The following SCLT1 variants were observed in gnomAD, a reference collection of about 807,000 sequenced individuals.
SCLT1 encodes sodium channel-associated protein 1.
In SCLT1, 78 loss-of-function variants were observed where a neutral mutation model predicts 112.8. That is an observed-to-expected ratio of 0.69 (90% CI 0.58 to 0.83). SCLT1 has a LOEUF of 0.83. Among genes scored for constraint, SCLT1 ranks in the 40% least tolerant of loss-of-function variants. SCLT1 has a pLI of 0.00. For missense variants in SCLT1, 747 were observed against 770.4 expected, an observed-to-expected ratio of 0.97 and a Z score of 0.36; for synonymous variants, 257 against 254.7, an observed-to-expected ratio of 1.01 and a Z score of -0.09.
At chr4:128,989,058 T>C (rs943707984) in intron 9 of SCLT1, among the ~76,000 whole-genome samples, 4 of 151,902 alleles carry the variant, frequency 2.6e-5, no homozygotes, top group East Asian at 1.9e-4. Context: ...TCTTTCAGAA[T>C]TGGACAGATA....
At chr4:128,889,401 C>A (rs1733139744) in intron 19 of SCLT1, among the ~76,000 whole-genome samples, 1 of 152,142 alleles carries the variant, frequency 6.6e-6, no homozygotes, top group Admixed American at 6.6e-5. Flanking sequence ...GTTGAAGACA[C>A]AGAGAGAACA....
intron 18 of SCLT1, among the ~76,000 whole-genome samples, chr4:128,929,728 A>G (rs1736604109): frequency 6.6e-6 from 1 of 152,216 alleles, no homozygotes; most frequent in African/African-American, 2.4e-5. Context: ...GGGCAGTGCA[A>G]AGTATAATAG....
At chr4:129,028,063 G>C (rs1176149290) in intron 5 of SCLT1, among the ~76,000 whole-genome samples, 1 of 152,126 alleles carries the variant, frequency 6.6e-6, no homozygotes, top group Non-Finnish European at 1.5e-5. Flanking sequence ...CATGCTCATG[G>C]GCAGGAAGAA....
At chr4:129,073,608 C>T (rs1579935879) in intron 2 of SCLT1, among the ~76,000 whole-genome samples, 1 of 152,228 alleles carries the variant, frequency 6.6e-6, no homozygotes. Context: ...TAATGCCTGC[C>T]TTATTCACTA....
chr4:129,092,292 A>G (rs11728895), intron 1 of SCLT1, among the ~76,000 whole-genome samples: 13,392 of 152,226 alleles, frequency 0.088, 755 homozygotes, highest in South Asian at 0.15. Flanking sequence ...CATCAATATT[A>G]CACTCAAACC....
At chr4:129,042,792 G>A (rs775742258) in intron 4 of SCLT1, among the ~76,000 whole-genome samples, 1 of 152,012 alleles carries the variant, frequency 6.6e-6, no homozygotes, top group Non-Finnish European at 1.5e-5. Context: ...AGGACCACAG[G>A]TGCACACCAC....
chr4:129,006,394 C>T (rs1160421265), intron 5 of SCLT1, among the ~76,000 whole-genome samples: 5 of 151,674 alleles, frequency 3.3e-5, no homozygotes, highest in African/African-American at 9.7e-5. Flanking sequence ...AAAAATTAGC[C>T]GGGCATGGTG....
Position 128,953,016 on chromosome 4 carries a change from A to C in SCLT1, c.1147-176T>G, listed in dbSNP as rs2126004112. On this transcript the variant is annotated intron_variant, in intron 13 of 20. Coordinates refer to ENST00000281142, the MANE Select transcript of SCLT1 (RefSeq NM_144643.4). ...AAGAATTTGCCATGAAAGTGGAAGG[A>C]GAGTGAATAGAATGGTATATCCAAA... 2.0e-5 allele frequency among the ~76,000 whole-genome samples: 3 copies of C among 152,310 alleles called. No homozygotes were observed. The South Asian group carries it at 6.2e-4, about 32-fold the overall frequency.
At chr4:128,952,949 A>T (rs372587006) in intron 13 of SCLT1, 109 bp from the exon 14 acceptor site, 7 of 663,818 alleles carry the variant, frequency 1.1e-5, no homozygotes. Context: ...TGTAACTTTT[A>T]GGGCATAAAA....
Position 128,975,040 on chromosome 4 carries a change from C to CTTTTTTTTTTTTTTTTTTT in SCLT1, c.687-4573_687-4572insAAAAAAAAAAAAAAAAAAA, listed in dbSNP as rs34603915. Among the ~76,000 whole-genome samples, 61 of 87,014 alleles carry CTTTTTTTTTTTTTTTTTTT rather than the reference C, an allele frequency of 7.0e-4. 11 individuals are homozygous for CTTTTTTTTTTTTTTTTTTT. The highest frequency in any genetic ancestry group is 2.2e-3 in the East Asian group (6 of 2,714). 57.1% of individuals were successfully genotyped at this position (87,014 alleles called of 152,430 possible). ...GATATTAAACAGATTTGAATGACAA[C>CTTTTTTTTTTTTTTTTTTT]TTTTTTTTTTTTTTTTGAGATGGAG... On this transcript the variant is annotated intron_variant, in intron 9 of 20. Transcript: ENST00000281142.
chr4:129,042,462 T>C (rs1276306602), intron 4 of SCLT1, among the ~76,000 whole-genome samples: 1 of 151,984 alleles, frequency 6.6e-6, no homozygotes, highest in Non-Finnish European at 1.5e-5. Flanking sequence ...CTGCAAGTAA[T>C]GGGAGATGCA....
intron 9 of SCLT1, among the ~76,000 whole-genome samples, chr4:128,982,270 G>A (rs1741723911): frequency 6.6e-6 from 1 of 152,134 alleles, no homozygotes. Flanking sequence ...CATCCTCACA[G>A]AAACTGTCGA....
chr4:128,974,362 T>C (rs1297448039), intron 9 of SCLT1, among the ~76,000 whole-genome samples: 4 of 151,590 alleles, frequency 2.6e-5, no homozygotes, highest in African/African-American at 9.7e-5. Context: ...TTACTGATAA[T>C]TTTCACCAGG....
intron 18 of SCLT1, among the ~76,000 whole-genome samples, chr4:128,926,096 T>G (rs912800471): frequency 6.6e-5 from 10 of 152,088 alleles, no homozygotes; most frequent in African/African-American, 2.4e-4. Context: ...TTGTTTTTCT[T>G]TTTTTCTGGT....
intron 4 of SCLT1, 96 bp downstream of exon 4, chr4:129,043,299 C>G: frequency 1.4e-6 from 1 of 701,990 alleles, no homozygotes. Flanking sequence ...CAAATATTCT[C>G]TTTCTCATCA....
At chr4:129,019,518 G>GA (rs1430988401) in intron 5 of SCLT1, among the ~76,000 whole-genome samples, 1 of 152,154 alleles carries the variant, frequency 6.6e-6, no homozygotes, top group Non-Finnish European at 1.5e-5. Context: ...AGATAGAAGA[G>GA]AGAGTCAGAC....
chr4:128,895,685 G>C (rs76654300), intron 18 of SCLT1, among the ~76,000 whole-genome samples: 2 of 152,138 alleles, frequency 1.3e-5, no homozygotes, highest in Non-Finnish European at 2.9e-5. Flanking sequence ...GTCAGAAAGC[G>C]GGTGCAGGAC....
At chr4:129,085,194 G>C (rs1203555369) in intron 1 of SCLT1, among the ~76,000 whole-genome samples, 1 of 152,080 alleles carries the variant, frequency 6.6e-6, no homozygotes, top group Admixed American at 6.5e-5. Context: ...CCATTAAAAA[G>C]TGGGCAAAGC....
chr4:128,954,376 G>A (rs1382851259), intron 13 of SCLT1, among the ~76,000 whole-genome samples: 1 of 148,640 alleles, frequency 6.7e-6, no homozygotes, highest in African/African-American at 2.5e-5. Context: ...TGGAGTGCAG[G>A]GTCGTGATCT....
Sources: gnomAD v4.1 joint callset for allele counts (sites outside exome capture counted in the v4.1 genomes callset) on GRCh38, gnomAD v4.1.1 for gene constraint, MANE v1.5 for transcripts, NCBI Gene and HGNC (gene_info 2026-07-23, HGNC 2026-07-21) for gene names.